The following NSD2 variants were observed in gnomAD, a reference collection of about 807,000 sequenced individuals.
The protein encoded by NSD2 is histone-lysine N-methyltransferase NSD2.
A neutral mutation model predicts 139.0 loss-of-function variants in NSD2; 12 were observed. That is an observed-to-expected ratio of 0.09 (90% CI 0.06 to 0.14). NSD2 has a LOEUF of 0.14. Ranked by LOEUF, NSD2 falls within the 10% of genes least tolerant of loss-of-function variation. The pLI is 1.00. For synonymous variants in NSD2, 669 were observed against 648.7 expected (o/e 1.03, Z -0.48); for missense variants, 1,155 against 1,745.0 (o/e 0.66, Z 6.02).
intron 1 of NSD2, among the ~76,000 whole-genome samples, chr4:1,884,486 C>G (rs1355850726): frequency 6.6e-6 from 1 of 152,000 alleles, no homozygotes; most frequent in Non-Finnish European, 1.5e-5. Flanking sequence ...CTCCAGCTCC[C>G]TGGTTCAAGT....
intron 1 of NSD2, among the ~76,000 whole-genome samples, chr4:1,895,896 C>T (rs1716222269): frequency 6.6e-6 from 1 of 152,200 alleles, no homozygotes; most frequent in African/African-American, 2.4e-5. Flanking sequence ...AGGGCCCAGC[C>T]CTGGGCTGGC....
At chr4:1,892,318 TGTC>T (rs1715638755) in intron 1 of NSD2, 1 of 152,148 alleles carries the variant, frequency 6.6e-6, no homozygotes, top group African/African-American at 2.4e-5. Context: ...TGACTGTTGT[TGTC>T]CATAGCCTTC....
chr4:1,943,395 G>T lies in NSD2; in HGVS notation c.1881+3617G>T, dbSNP rs571629440. 23 of 1,042,038 alleles carry T rather than the reference G, an allele frequency of 2.2e-5. No individual in the cohort carries two copies. The South Asian group carries it at 8.7e-4, about 40-fold the overall frequency. The allele number at this position is 1,042,038 out of a possible 1,614,324, so 64.5% of individuals were successfully genotyped here. ...GGCCAGGACTCCGTGGTTTCCTGTT[G>T]TGACAGTAATAATGGTTATAATAAT... On this transcript the variant is annotated intron_variant, in intron 9 of 21. Transcript: ENST00000508803.
chr4:1,918,555 A>G lies in NSD2; in HGVS notation c.1342A>G (p.Met448Val), dbSNP rs1352916117. 2.5e-6 allele frequency: 4 copies of G among 1,613,882 alleles called. No homozygotes were observed. Among genetic ancestry groups the G allele is most frequent in the African/African-American group, 1.3e-5 (1 of 74,948 alleles). The change falls in exon 5 of 22, where the codon ATG becomes GTG. Residue 448 changes from methionine to valine, a missense_variant. This residue lies in a region of NSD2 where 420 missense variants were observed against 469.0 expected (regional missense o/e 0.90). Transcript: ENST00000508803. ...PPGRKKTTVS[M>V]PRSRKGDAAS... Reference sequence around the variant, plus strand: ...TGGGAGGAAGAAGACCACAGTCTCCATGCCACGAAGCAGGAAGGGAGATGC... The same window carrying G: ...TGGGAGGAAGAAGACCACAGTCTCCGTGCCACGAAGCAGGAAGGGAGATGC...
In NSD2 at chr4:1,955,813, T is replaced by A. The variant is rs777295950; in HGVS notation, c.2639T>A (p.Phe880Tyr). ...NDCRAGKKLHFQDIIWVKLGN... is the reference protein window; with the variant it reads ...NDCRAGKKLHYQDIIWVKLGN... ...TGCAGGGCTGGGAAGAAGCTGCACT[T>A]CCAGGATATCATTTGGGTGAAACTT... is the stretch of plus-strand genomic sequence containing the variant. The change falls in exon 14 of 22, where the codon TTC (phenylalanine) becomes TAC (tyrosine). Residue 880 changes from phenylalanine to tyrosine, a missense_variant. Transcript: ENST00000508803. This position sits in a 1 kb window ranked among gnomAD's most constrained non-coding sequence, Gnocchi z 4.7. 1.9e-6 allele frequency: 3 copies of A among 1,614,220 alleles called. No homozygotes were observed. The highest frequency in any genetic ancestry group is 2.5e-6 in the Non-Finnish European group (3 of 1,180,008).
intron 5 of NSD2, among the ~76,000 whole-genome samples, chr4:1,928,131 G>A (rs895451847): frequency 6.7e-6 from 1 of 149,116 alleles, no homozygotes; most frequent in African/African-American, 2.5e-5. Flanking sequence ...TCAAACTCCT[G>A]GCCTCAAGTG....
chr4:1,872,591 T>TGTGTGTGAGAGAGAGAGAGAGAGAGAGA (rs1281608141), intron 1 of NSD2, among the ~76,000 whole-genome samples: 4 of 44,892 alleles, frequency 8.9e-5, no homozygotes, highest in Non-Finnish European at 1.3e-4. Flanking sequence ...TGTGTGTGTG[T>TGTGTGTGAGAGAGAGAGAGAGAGAGAGA]GAGAGAGAGA....
In NSD2 at chr4:1,955,344, A is replaced by C; in HGVS notation, c.2518+4A>C. Reference sequence around the variant, plus strand: ...TGGTGCTTCGTGTGCTCCAAAGGTGAGGGGCCTGGGGGTGTCTGCGGCACA... The same window carrying C: ...TGGTGCTTCGTGTGCTCCAAAGGTGCGGGGCCTGGGGGTGTCTGCGGCACA... On this transcript the variant is annotated splice_donor_region_variant and intron_variant, in intron 13 of 21. Transcript: ENST00000508803. This position sits in a 1 kb window ranked among gnomAD's most constrained non-coding sequence, Gnocchi z 4.7. 6.2e-7 allele frequency: 1 copy of C among 1,609,524 alleles called. No individual in the cohort carries two copies. Among genetic ancestry groups the C allele is most frequent in the Non-Finnish European group, 8.5e-7 (1 of 1,177,338 alleles).
rs1462203529 is a variant in NSD2 at position 1,940,736 on chromosome 4, C to T, written c.1881+958C>T. ...CCCTTACTCTTGCTGAGTCAGAAGG[C>T]GGCACTTCTGGCCAGGTCTCTGCCA... On this transcript the variant is annotated intron_variant, in intron 9 of 21. Coordinates refer to ENST00000508803, the MANE Select transcript of NSD2 (RefSeq NM_001042424.3). 9.4e-6 allele frequency: 10 copies of T among 1,060,304 alleles called. No individual in the cohort carries two copies. The South Asian group carries it at 1.4e-4, about 15-fold the overall frequency. 65.7% of individuals were successfully genotyped at this position (1,060,304 alleles called of 1,614,324 possible).
At chr4:1,944,639 C>T in intron 9 of NSD2, 1 of 1,063,084 alleles carries the variant, frequency 9.4e-7, no homozygotes, top group Non-Finnish European at 1.1e-6. Flanking sequence ...GTAAGTACTC[C>T]ATTGTAATAG....
chr4:1,918,023 C>T, intron 4 of NSD2, 118 bp from the exon 5 acceptor site: 4 of 1,244,386 alleles, frequency 3.2e-6, no homozygotes, highest in Non-Finnish European at 4.4e-6. Context: ...TCAAGTGATC[C>T]ATCTGCCTTG....
intron 1 of NSD2, among the ~76,000 whole-genome samples, chr4:1,890,221 A>C (rs1715423973): frequency 6.6e-6 from 1 of 152,192 alleles, no homozygotes; most frequent in Non-Finnish European, 1.5e-5. Flanking sequence ...ATCAGTTGAT[A>C]GACAGTTGGG....
chr4:1,939,848 T>A, intron 9 of NSD2, 70 bp downstream of exon 9: 1 of 1,610,246 alleles, frequency 6.2e-7, no homozygotes, highest in East Asian at 2.2e-5. Context: ...CGCTGCAGTG[T>A]GAGTAATGCT....
chr4:1,940,889 A>G, intron 9 of NSD2: 2 of 1,057,770 alleles, frequency 1.9e-6, no homozygotes, highest in Non-Finnish European at 2.3e-6. Flanking sequence ...GCGGCTTGCC[A>G]CTCTGAATCC....
At position 1,948,319 on chromosome 4, in the gene NSD2, A is replaced by C; in HGVS notation, c.1882-2753A>C. 1 of 1,065,754 alleles carries C rather than the reference A, an allele frequency of 9.4e-7. No homozygotes were observed. The highest frequency in any genetic ancestry group is 1.1e-6 in the Non-Finnish European group (1 of 878,592). The allele number at this position is 1,065,754 out of a possible 1,614,324, so 66.0% of individuals were successfully genotyped here. A position where few individuals can be genotyped will look rare whatever the true frequency, so the allele number is the denominator to read the frequency against. Reference sequence around the variant, plus strand: ...TCGTTGGATATGGAATAGATCGTAGATGTTGTAGACTGAGATTTGGGACTA... The same window carrying C: ...TCGTTGGATATGGAATAGATCGTAGCTGTTGTAGACTGAGATTTGGGACTA... On this transcript the variant is annotated intron_variant, in intron 9 of 21. Transcript: ENST00000508803. The surrounding 1 kb of genome is among the most constrained non-coding windows in gnomAD (Gnocchi z 4.5).
chr4:1,978,521 A>G lies in NSD2; in HGVS notation c.3827-117A>G, dbSNP rs1727371025. 14 of 1,423,624 alleles carry G rather than the reference A, an allele frequency of 9.8e-6. No homozygotes were observed. The South Asian group carries it at 2.0e-4, about 20-fold the overall frequency. 88.2% of individuals were successfully genotyped at this position (1,423,624 alleles called of 1,614,324 possible). ...TTTGTCTGCCCGTCCTGTTCGCTGG[A>G]GCCAGCACTATTTTGTGTTCATTTG... On this transcript the variant is annotated intron_variant, in intron 21 of 21. Transcript: ENST00000508803.
chr4:1,874,913 G>A (rs903608572), intron 1 of NSD2, among the ~76,000 whole-genome samples: 1 of 152,168 alleles, frequency 6.6e-6, no homozygotes, highest in African/African-American at 2.4e-5. Flanking sequence ...AAAAAGACTT[G>A]TGTTGGTAAC....
intron 18 of NSD2, among the ~76,000 whole-genome samples, chr4:1,970,344 T>C (rs1483265866): frequency 6.6e-6 from 1 of 152,176 alleles, no homozygotes; most frequent in Non-Finnish European, 1.5e-5. Context: ...GGGGTGTCTA[T>C]CCAGGCATGT....
rs1721516255 is a variant in NSD2, at chr4:1,930,527, A to ACTAAGTT, written c.1411-94_1411-88dup. On this transcript the variant is annotated intron_variant, in intron 5 of 21. Coordinates refer to ENST00000508803, the MANE Select transcript of NSD2 (RefSeq NM_001042424.3). ...CGATGTGGGAATAAAAATGCGACAC[A>ACTAAGTT]CTAAGTTCTAAAGGGCCGTGCATTT... 4 of 1,290,700 alleles carry ACTAAGTT rather than the reference A, an allele frequency of 3.1e-6. No homozygotes were observed. The South Asian group carries it at 5.5e-5, about 18-fold the overall frequency. 80.0% of individuals were successfully genotyped at this position (1,290,700 alleles called of 1,614,324 possible). A position where few individuals can be genotyped will look rare whatever the true frequency, so the allele number is the denominator to read the frequency against.
Sources: gnomAD v4.1 joint callset for allele counts (sites outside exome capture counted in the v4.1 genomes callset) on GRCh38, gnomAD v4.1.1 for gene constraint, gnomAD v4.1.1 regional missense constraint, Gnocchi (gnomAD v3.1) non-coding constraint, MANE v1.5 for transcripts, NCBI Gene and HGNC (gene_info 2026-07-23, HGNC 2026-07-21) for gene names.